Variants in GRB10 observed in about 807,000 individuals in gnomAD.
GRB10 encodes growth factor receptor-bound protein 10.
A neutral mutation model predicts 80.9 loss-of-function variants in GRB10; 20 were observed. The observed-to-expected ratio is 0.25, with a 90% CI of 0.17 to 0.36. The LOEUF (loss-of-function observed/expected upper bound fraction) is 0.36, where lower values mean the gene tolerates loss of function less well. Ranked by LOEUF, GRB10 falls within the 10% of genes least tolerant of loss-of-function variation. GRB10 has a pLI of 1.00. For synonymous variants in GRB10, 291 were observed against 291.5 expected, an observed-to-expected ratio of 1.00 and a Z score of 0.02; for missense variants, 548 against 747.7, an observed-to-expected ratio of 0.73 and a Z score of 3.12.
At chr7:50,676,238 C>T (rs1290089019) in intron 5 of GRB10, among the ~76,000 whole-genome samples, 1 of 151,044 alleles carries the variant, frequency 6.6e-6, no homozygotes, top group African/African-American at 2.4e-5. Flanking sequence ...CCCTGCCCTG[C>T]TCCTAGTAGC....
intron 2 of GRB10, among the ~76,000 whole-genome samples, chr7:50,756,473 T>C (rs551660251): frequency 7.9e-5 from 12 of 152,326 alleles, no homozygotes; most frequent in Non-Finnish European, 1.6e-4. Context: ...TGCCTCCATG[T>C]CAGACCTGGC....
intron 7 of GRB10, 133 bp from the exon 8 acceptor site, chr7:50,627,111 C>T: frequency 1.1e-6 from 1 of 870,816 alleles, no homozygotes; most frequent in Middle Eastern, 2.2e-4. Flanking sequence ...TTCCAGGCAG[C>T]CAACAGGTCC....
intron 2 of GRB10, among the ~76,000 whole-genome samples, chr7:50,761,347 C>T (rs1271289694): frequency 6.6e-6 from 1 of 152,192 alleles, no homozygotes; most frequent in Non-Finnish European, 1.5e-5. Flanking sequence ...CAGATTTTAT[C>T]ATTTCCTTTT....
chr7:50,752,624 T>C (rs1039029161), intron 3 of GRB10, among the ~76,000 whole-genome samples: 10 of 152,164 alleles, frequency 6.6e-5, no homozygotes, highest in Non-Finnish European at 1.0e-4. Flanking sequence ...CCTGACTGCA[T>C]TCCAAGGGTG....
At chr7:50,742,251 ACACACGCG>A (rs1188394550) in intron 3 of GRB10, among the ~76,000 whole-genome samples, 11 of 35,792 alleles carry the variant, frequency 3.1e-4, no homozygotes, top group African/African-American at 5.0e-4. Flanking sequence ...CTATGTGTAA[ACACACGCG>A]CACGCGCGCG....
At chr7:50,613,417 G>A (rs1284327764) in intron 12 of GRB10, among the ~76,000 whole-genome samples, 1 of 152,142 alleles carries the variant, frequency 6.6e-6, no homozygotes, top group East Asian at 1.9e-4. Context: ...GACAGAAGGG[G>A]AAGTAGGCAC....
chr7:50,606,764 A>G, intron 13 of GRB10: 1 of 328,500 alleles, frequency 3.0e-6, no homozygotes, highest in South Asian at 2.8e-5. Context: ...AAAAAATGTT[A>G]TTAAGAAAAT....
chr7:50,642,734 G>T (rs1431007841), intron 7 of GRB10, among the ~76,000 whole-genome samples: 1 of 152,020 alleles, frequency 6.6e-6, no homozygotes, highest in Admixed American at 6.5e-5. Flanking sequence ...TTCAGATAAA[G>T]AATACTCAAT....
intron 2 of GRB10, among the ~76,000 whole-genome samples, chr7:50,762,309 A>G (rs2075852748): frequency 6.6e-6 from 1 of 150,642 alleles, no homozygotes; most frequent in Non-Finnish European, 1.5e-5. Flanking sequence ...ACTTAAGAAT[A>G]CATACGAGAT....
chr7:50,743,920 C>G (rs950035761), intron 3 of GRB10, among the ~76,000 whole-genome samples: 1 of 152,164 alleles, frequency 6.6e-6, no homozygotes, highest in Non-Finnish European at 1.5e-5. Flanking sequence ...AGAAAACAGC[C>G]TAGGCTATCC....
intron 3 of GRB10, among the ~76,000 whole-genome samples, chr7:50,745,291 T>G (rs1386979012): frequency 6.6e-6 from 1 of 152,254 alleles, no homozygotes; most frequent in African/African-American, 2.4e-5. Flanking sequence ...TGTTCTCTGA[T>G]ATATTAATAT....
At chr7:50,695,320 C>T (rs1249634631) in intron 5 of GRB10, among the ~76,000 whole-genome samples, 1 of 152,198 alleles carries the variant, frequency 6.6e-6, no homozygotes, top group Non-Finnish European at 1.5e-5. Flanking sequence ...AACACCCTAT[C>T]TCTTGACAAC....
chr7:50,672,063 C>G (rs544180168), intron 6 of GRB10, among the ~76,000 whole-genome samples: 1 of 152,364 alleles, frequency 6.6e-6, no homozygotes, highest in East Asian at 1.9e-4. Context: ...CTCTCAAAAG[C>G]CTGGGTTCCT....
intron 4 of GRB10, among the ~76,000 whole-genome samples, chr7:50,716,650 C>T (rs888152318): frequency 1.4e-4 from 21 of 152,110 alleles, no homozygotes; most frequent in Non-Finnish European, 2.8e-4. Flanking sequence ...AAATCCAACC[C>T]TACAGATGAA....
In GRB10 at chr7:50,705,297, T is replaced by C. The variant is rs919935857; in HGVS notation, c.52-1389A>G. On this transcript the variant is annotated intron_variant, in intron 4 of 18. Transcript: ENST00000401949. ...GATGTTTGTTCCCTGGGAGGCAAAG[T>C]TGCGTTCACACCTTCCTCCAGAATA... 16 of 985,680 alleles carry C rather than the reference T, an allele frequency of 1.6e-5. No individual in the cohort carries two copies. The Admixed American group carries it at 1.8e-4, about 11-fold the overall frequency. 61.1% of individuals were successfully genotyped at this position (985,680 alleles called of 1,614,324 possible).
intron 4 of GRB10, among the ~76,000 whole-genome samples, chr7:50,731,602 A>G (rs1175173916): frequency 6.6e-6 from 1 of 152,234 alleles, no homozygotes; most frequent in Non-Finnish European, 1.5e-5. Context: ...CCATCCCCTA[A>G]CAATGAATCT....
At chr7:50,708,671 CTGTTT>C (rs1471422454) in intron 4 of GRB10, among the ~76,000 whole-genome samples, 31 of 113,514 alleles carry the variant, frequency 2.7e-4, no homozygotes, top group African/African-American at 8.6e-4. Flanking sequence ...CCCTGTGAGT[CTGTTT>C]TTTTTTTTTT....
chr7:50,701,120 T>C (rs536467317), intron 5 of GRB10, among the ~76,000 whole-genome samples: 3 of 152,368 alleles, frequency 2.0e-5, no homozygotes, highest in African/African-American at 4.8e-5. Context: ...TATTCCCTTA[T>C]ATCTTTTTCT....
chr7:50,718,729 G>C (rs144317772), intron 4 of GRB10, among the ~76,000 whole-genome samples: 1 of 152,232 alleles, frequency 6.6e-6, no homozygotes, highest in Non-Finnish European at 1.5e-5. Context: ...GTTAAGTCCC[G>C]TGCATACTGA....
Sources: gnomAD v4.1 joint callset for allele counts (sites outside exome capture counted in the v4.1 genomes callset) on GRCh38, gnomAD v4.1.1 for gene constraint, MANE v1.5 for transcripts, NCBI Gene and HGNC (gene_info 2026-07-23, HGNC 2026-07-21) for gene names.